The following VWA2 variants were observed in gnomAD, a reference collection of about 807,000 sequenced individuals.
VWA2 encodes the protein von Willebrand factor A domain-containing protein 2.
Under a neutral mutation model 70.4 loss-of-function variants are expected in VWA2, and 73 were observed. The observed-to-expected ratio is 1.04, with a 90% confidence interval of 0.86 to 1.26. The LOEUF is 1.26. Ranked by LOEUF, VWA2 falls within the 50% of genes most tolerant of loss-of-function variation. The pLI is 0.00. For synonymous variants in VWA2, 407 were observed against 423.3 expected (o/e 0.96, Z 0.47); for missense variants, 1,011 against 998.5 (o/e 1.01, Z -0.17).
rs1033480541 is a variant in VWA2 at position 114,242,773 on chromosome 10, A to G, written c.-11+3204A>G. Among the ~76,000 whole-genome samples, 11 of 152,322 alleles carry G rather than the reference A, an allele frequency of 7.2e-5. 1 individual carries two copies. Among genetic ancestry groups the G allele is most frequent in the Middle Eastern group, 3.4e-3 (1 of 294 alleles). ...AGATGTAAATGATAATATCTACCCT[A>G]CAGATTATGGGTGTTGTTAAATGAA... is the stretch of plus-strand genomic sequence containing the variant. On this transcript the variant is annotated intron_variant, in intron 1 of 13. Transcript: ENST00000392982.
At chr10:114,249,129 T>C (rs34487722) in intron 2 of VWA2, among the ~76,000 whole-genome samples, 21,882 of 152,106 alleles carry the variant, frequency 0.14, 1,696 homozygotes, top group Middle Eastern at 0.21. Flanking sequence ...CACTTAGGTA[T>C]TGAGCCCAGC....
chr10:114,278,770 G>C lies in VWA2; in HGVS notation c.752G>C (p.Arg251Pro). 6.2e-7 allele frequency: 1 copy of C among 1,613,894 alleles called. No homozygotes were observed. The highest frequency in any genetic ancestry group is 8.5e-7 in the Non-Finnish European group (1 of 1,180,032). ...GAGCACAGGACGCTGGAGATGGTCC[G>C]GGAGTTCGCTGGCAATGCCCCATGC... Reference protein sequence around the residue: ...PCEHRTLEMVREFAGNAPCWR... With the variant: ...PCEHRTLEMVPEFAGNAPCWR... Residue 251 changes from arginine (R) to proline (P), a missense_variant, in exon 8 of 14, where the codon CGG becomes CCG. Transcript: ENST00000392982.
chr10:114,291,666 C>G lies in VWA2; in HGVS notation c.*429C>G, dbSNP rs1278605002. On this transcript the variant is annotated 3_prime_UTR_variant, in exon 14 of 14. Coordinates refer to ENST00000392982, the MANE Select transcript of VWA2 (RefSeq NM_001272046.2). Reference sequence around the variant, plus strand: ...TTGACACAGTAATGCCCAGCAGAGGCCTTTACTAGAGCATCCTTTGGACGG... The same window carrying G: ...TTGACACAGTAATGCCCAGCAGAGGGCTTTACTAGAGCATCCTTTGGACGG... Among the ~76,000 whole-genome samples the G allele has an allele frequency of 6.6e-6, 1 of 152,212 alleles. No homozygotes were observed. The highest frequency in any genetic ancestry group is 2.4e-5 in the African/African-American group (1 of 41,462).
chr10:114,253,839 A>G, intron 3 of VWA2, 114 bp downstream of exon 3: 1 of 1,033,890 alleles, frequency 9.7e-7, no homozygotes, highest in Non-Finnish European at 1.4e-6. Flanking sequence ...TCTTCCTTTC[A>G]TGCTCTGGCC....
chr10:114,263,328 A>ATTTTTTTTTTTT (rs35723083), intron 5 of VWA2, among the ~76,000 whole-genome samples: 13 of 76,146 alleles, frequency 1.7e-4, no homozygotes, highest in East Asian at 3.7e-4. Flanking sequence ...AATCTCCCCC[A>ATTTTTTTTTTTT]TTTTTTTTTT....
chr10:114,263,305 G>A (rs1157902673), intron 5 of VWA2, among the ~76,000 whole-genome samples: 1 of 145,206 alleles, frequency 6.9e-6, no homozygotes, highest in Non-Finnish European at 1.5e-5. Context: ...GTGAGCCACT[G>A]TGCCCAGCCA....
rs748353113 is a variant in VWA2 at position 114,278,014 on chromosome 10, A to G, written c.667A>G (p.Ser223Gly). Residue 223 changes from serine to glycine, a missense_variant, in exon 7 of 14, where the codon AGC becomes GGC. Coordinates refer to ENST00000392982, the MANE Select transcript of VWA2 (RefSeq NM_001272046.2). Reference sequence around the variant, plus strand: ...CACCAACGGCCTCTTCAGCACCCTCAGCAGCTCGGCCATCTGCTCCAGCGC... The same window carrying G: ...CACCAACGGCCTCTTCAGCACCCTCGGCAGCTCGGCCATCTGCTCCAGCGC... ...DATNGLFSTL[S>G]SSAICSSATP... 5.0e-6 allele frequency: 8 copies of G among 1,612,862 alleles called. No homozygotes were observed. The highest frequency in any genetic ancestry group is 2.2e-5 in the South Asian group (2 of 91,034).
At chr10:114,249,416 C>T (rs1172757871) in intron 2 of VWA2, among the ~76,000 whole-genome samples, 8 of 152,056 alleles carry the variant, frequency 5.3e-5, no homozygotes, top group South Asian at 2.1e-4. Context: ...CCACCACACC[C>T]GGCTAATTTT....
intron 4 of VWA2, among the ~76,000 whole-genome samples, chr10:114,257,116 A>G (rs1370012210): frequency 1.3e-5 from 2 of 152,076 alleles, no homozygotes; most frequent in East Asian, 3.9e-4. Context: ...ATGGTGTGTC[A>G]TTTGGGGAGC....
intron 1 of VWA2, among the ~76,000 whole-genome samples, chr10:114,240,486 T>A (rs1400887803): frequency 6.6e-6 from 1 of 152,260 alleles, no homozygotes; most frequent in East Asian, 1.9e-4. Context: ...ATGTGTTTGA[T>A]GTCTTGGAGA....
intron 13 of VWA2, among the ~76,000 whole-genome samples, chr10:114,291,005 C>T (rs562326548): frequency 6.6e-6 from 1 of 152,188 alleles, no homozygotes; most frequent in African/African-American, 2.4e-5. Flanking sequence ...CAGTCGGAGC[C>T]TTGGTTTTTT....
At chr10:114,260,779 G>T (rs1193885263) in intron 4 of VWA2, among the ~76,000 whole-genome samples, 4 of 152,188 alleles carry the variant, frequency 2.6e-5, no homozygotes. Flanking sequence ...CATAATGTGG[G>T]TGTTAATAGT....
At chr10:114,242,234 C>T (rs1243452233) in intron 1 of VWA2, among the ~76,000 whole-genome samples, 2 of 152,156 alleles carry the variant, frequency 1.3e-5, no homozygotes, top group South Asian at 2.1e-4. Context: ...GCCTTTGCAT[C>T]GTGGTTTCAT....
chr10:114,277,161 T>C lies in VWA2; in HGVS notation c.567-753T>C, dbSNP rs556253964. Among the ~76,000 whole-genome samples the C allele has an allele frequency of 2.2e-3, 314 of 143,136 alleles. 6 individuals carry two copies. Among genetic ancestry groups the C allele is most frequent in the African/African-American group, 7.6e-3 (296 of 38,966 alleles). The allele number at this position is 143,136 out of a possible 152,430, so 93.9% of individuals were successfully genotyped here. A position where few individuals can be genotyped will look rare whatever the true frequency, so the allele number is the denominator to read the frequency against. ...GGATTCTTCTAGATACATTACTGAC[T>C]GCACGTCTTTTTTTTTTTTTTTTTT... On this transcript the variant is annotated intron_variant, in intron 6 of 13. Coordinates refer to ENST00000392982, the MANE Select transcript of VWA2 (RefSeq NM_001272046.2).
At chr10:114,240,408 C>T (rs2036954999) in intron 1 of VWA2, among the ~76,000 whole-genome samples, 1 of 152,200 alleles carries the variant, frequency 6.6e-6, no homozygotes, top group African/African-American at 2.4e-5. Flanking sequence ...CACCTTGCTG[C>T]TTGTGATTGT....
chr10:114,242,557 T>TGTGCCTCTGCGTACTG (rs1377151010), intron 1 of VWA2, among the ~76,000 whole-genome samples: 2 of 151,478 alleles, frequency 1.3e-5, no homozygotes, highest in South Asian at 2.1e-4. Flanking sequence ...CTGTGTACTG[T>TGTGCCTCTGCGTACTG]GTGCCTCTGC....
intron 11 of VWA2, among the ~76,000 whole-genome samples, chr10:114,288,152 G>C (rs965991738): frequency 3.9e-5 from 6 of 152,148 alleles, no homozygotes; most frequent in Admixed American, 1.3e-4. Flanking sequence ...TGCATCCCCT[G>C]CACAGGAGAG....
chr10:114,289,637 T>A, intron 12 of VWA2, 148 bp downstream of exon 12: 1 of 844,788 alleles, frequency 1.2e-6, no homozygotes, highest in Non-Finnish European at 1.9e-6. Context: ...AACCCCATGC[T>A]CACATAAAAT....
intron 4 of VWA2, among the ~76,000 whole-genome samples, chr10:114,257,774 A>G (rs1377854228): frequency 2.0e-5 from 3 of 152,218 alleles, no homozygotes; most frequent in Non-Finnish European, 4.4e-5. Flanking sequence ...AGTTCAGGGA[A>G]TTTAACCTGA....
Sources: allele counts gnomAD v4.1 joint callset (sites outside exome capture counted in the v4.1 genomes callset), GRCh38; gene constraint gnomAD v4.1.1; transcripts MANE v1.5; gene names NCBI Gene and HGNC (gene_info 2026-07-23, HGNC 2026-07-21).